Variants in TAF4 observed in about 807,000 individuals in gnomAD.
The protein encoded by TAF4 is transcription initiation factor TFIID subunit 4.
In TAF4, 9 loss-of-function variants were observed where a neutral mutation model predicts 90.3. The ratio of observed to expected loss-of-function variants is 0.10; its 90% confidence interval spans 0.06 to 0.17. TAF4 has a LOEUF of 0.17. Ranked by LOEUF, TAF4 falls within the 10% of genes least tolerant of loss-of-function variation. The probability of loss-of-function intolerance (pLI) is 1.00; values close to 1 mark genes in which losing one functional copy is unlikely to be tolerated. For synonymous variants in TAF4, 818 were observed against 638.9 expected, an observed-to-expected ratio of 1.28 and a Z score of -4.23; for missense variants, 1,351 against 1,370.7, an observed-to-expected ratio of 0.99 and a Z score of 0.23.
intron 1 of TAF4, among the ~76,000 whole-genome samples, chr20:62,055,383 G>A (rs1411537987): frequency 6.6e-6 from 1 of 151,506 alleles, no homozygotes; most frequent in African/African-American, 2.4e-5. Flanking sequence ...AGTCCTGCAA[G>A]ACAATCAATT....
intron 1 of TAF4, among the ~76,000 whole-genome samples, chr20:62,052,607 C>A (rs2056035591): frequency 1.3e-5 from 2 of 151,900 alleles, no homozygotes; most frequent in African/African-American, 4.8e-5. Flanking sequence ...GATCTTGTCA[C>A]CTCCCCCACA....
chr20:62,063,850 G>A (rs1479608933), intron 1 of TAF4, among the ~76,000 whole-genome samples: 73 of 152,254 alleles, frequency 4.8e-4, no homozygotes, highest in Admixed American at 4.7e-3. Flanking sequence ...CTCCCTGCCT[G>A]GTGGCAGCAG....
At position 62,010,405 on chromosome 20, in the gene TAF4, T is replaced by G. The variant is rs2055771968; in HGVS notation, c.1642-240A>C. ...GAGGAAGGCATGATTTGCACCTGCA[T>G]CAAAAACGGACGTTCACAAAGCCAG... On this transcript the variant is annotated intron_variant, in intron 3 of 14. Coordinates refer to ENST00000252996, the MANE Select transcript of TAF4 (RefSeq NM_003185.4). This position sits in a 1 kb window ranked among gnomAD's most constrained non-coding sequence, Gnocchi z 4.5. Among the ~76,000 whole-genome samples the G allele has an allele frequency of 6.6e-6, 1 of 151,996 alleles. No homozygotes were observed. The highest frequency in any genetic ancestry group is 6.5e-5 in the Admixed American group (1 of 15,280).
chr20:62,001,431 G>A (rs183603367), intron 9 of TAF4, among the ~76,000 whole-genome samples: 7 of 152,360 alleles, frequency 4.6e-5, no homozygotes, highest in Non-Finnish European at 8.8e-5. Context: ...TGTGCAGGAC[G>A]TCCTCTTCCA....
At chr20:62,001,946 C>T (rs1005240517) in intron 9 of TAF4, among the ~76,000 whole-genome samples, 4 of 152,168 alleles carry the variant, frequency 2.6e-5, no homozygotes, top group Non-Finnish European at 4.4e-5. Context: ...CGTTACTGTT[C>T]CCAGGACCCT....
intron 1 of TAF4, among the ~76,000 whole-genome samples, chr20:62,032,770 G>A (rs2055911193): frequency 6.6e-6 from 1 of 152,218 alleles, no homozygotes; most frequent in East Asian, 1.9e-4. Context: ...CAGGGAGACA[G>A]CAAAGCAGGG....
At chr20:61,993,309 G>A (rs1241710269) in intron 14 of TAF4, among the ~76,000 whole-genome samples, 1 of 152,196 alleles carries the variant, frequency 6.6e-6, no homozygotes, top group Non-Finnish European at 1.5e-5. Flanking sequence ...GCCGCAGGGA[G>A]GCAGCCAGAG....
chr20:62,038,738 T>C (rs2055947715), intron 1 of TAF4, among the ~76,000 whole-genome samples: 1 of 151,988 alleles, frequency 6.6e-6, no homozygotes, highest in Non-Finnish European at 1.5e-5. Flanking sequence ...ATCTATAGAC[T>C]CAATACAATC....
chr20:62,030,206 C>T (rs544164567), intron 1 of TAF4, among the ~76,000 whole-genome samples: 6 of 152,230 alleles, frequency 3.9e-5, no homozygotes, highest in African/African-American at 4.8e-5. Context: ...GGGACGCCAA[C>T]GAGCCCGCCA....
At chr20:62,055,802 G>A (rs928918903) in intron 1 of TAF4, among the ~76,000 whole-genome samples, 3 of 152,140 alleles carry the variant, frequency 2.0e-5, no homozygotes, top group African/African-American at 7.2e-5. Flanking sequence ...AGACATTCCT[G>A]CTGATCTGTT....
intron 1 of TAF4, among the ~76,000 whole-genome samples, chr20:62,056,238 A>G (rs1041214729): frequency 6.6e-6 from 1 of 152,044 alleles, no homozygotes; most frequent in Non-Finnish European, 1.5e-5. Context: ...CTCTGTCTCG[A>G]AAAAAAAGAA....
rs2055786156 is a variant in TAF4, at chr20:62,012,709, T to C, written c.1641+106A>G. 2.2e-6 allele frequency: 3 copies of C among 1,349,114 alleles called. No individual in the cohort carries two copies. The Admixed American group carries it at 8.5e-5, about 38-fold the overall frequency. The allele number at this position is 1,349,114 out of a possible 1,614,324, so 83.6% of individuals were successfully genotyped here. A position where few individuals can be genotyped will look rare whatever the true frequency, so the allele number is the denominator to read the frequency against. ...CTTCCTCCCCAGATTTGACGTAGTA[T>C]CCAGTTTAAAAAAAAAAAAAAACTC... is the stretch of plus-strand genomic sequence containing the variant. On this transcript the variant is annotated intron_variant, in intron 3 of 14. Coordinates refer to ENST00000252996, the MANE Select transcript of TAF4 (RefSeq NM_003185.4).
chr20:62,060,353 T>C (rs1362252096), intron 1 of TAF4, among the ~76,000 whole-genome samples: 1 of 152,262 alleles, frequency 6.6e-6, no homozygotes, highest in Non-Finnish European at 1.5e-5. Flanking sequence ...CTGCTGTGAA[T>C]GCAGTGCTCG....
chr20:61,993,214 G>C (rs2055642834), intron 14 of TAF4, among the ~76,000 whole-genome samples: 1 of 152,190 alleles, frequency 6.6e-6, no homozygotes, highest in Admixed American at 6.5e-5. Flanking sequence ...CCCTAGGCAT[G>C]AAGCATGACC....
Position 61,976,020 on chromosome 20 carries a change from C to T in TAF4, c.*148G>A. ...TCTCTCTGTTACAGAAACGTGTTTT[C>T]TTTCACACTGAAGAGCTGATTTAGA... On this transcript the variant is annotated 3_prime_UTR_variant, in exon 15 of 15. Coordinates refer to ENST00000252996, the MANE Select transcript of TAF4 (RefSeq NM_003185.4). The T allele has an allele frequency of 3.6e-6, 3 of 826,564 alleles. No homozygotes were observed. Among genetic ancestry groups the T allele is most frequent in the Non-Finnish European group, 1.9e-6 (1 of 532,570 alleles). The allele number at this position is 826,564 out of a possible 1,614,324, so 51.2% of individuals were successfully genotyped here. A position where few individuals can be genotyped will look rare whatever the true frequency, so the allele number is the denominator to read the frequency against.
At chr20:62,024,493 G>A (rs571748300) in intron 1 of TAF4, among the ~76,000 whole-genome samples, 1 of 152,348 alleles carries the variant, frequency 6.6e-6, no homozygotes, top group African/African-American at 2.4e-5. Context: ...ACAAGGCACA[G>A]AACGGACAGA....
Position 62,000,140 on chromosome 20 carries a change from T to C in TAF4, c.2771A>G (p.Lys924Arg), listed in dbSNP as rs767581473. The C allele has an allele frequency of 6.2e-7, 1 of 1,614,254 alleles. No individual in the cohort carries two copies. Among genetic ancestry groups the C allele is most frequent in the Non-Finnish European group, 8.5e-7 (1 of 1,180,036 alleles). Residue 924 changes from lysine to arginine, a missense_variant, in exon 11 of 15, where the codon AAG becomes AGG. Around this residue, in one of 9 missense-constraint regions of TAF4, gnomAD observed 95 missense variants for 151.3 expected, o/e 0.63. Transcript: ENST00000252996. Reference sequence around the variant, plus strand: ...GCCTGTTACCTTGTAAGAAAAGTTCTTCTGCTGAGCTGTTTCTGATATTTT... The same window carrying C: ...GCCTGTTACCTTGTAAGAAAAGTTCCTCTGCTGAGCTGTTTCTGATATTTT... ...VEKISETAQQ[K>R]NFSYKDDDRY...
chr20:62,041,916 T>TAA (rs796247739), intron 1 of TAF4, among the ~76,000 whole-genome samples: 4 of 137,862 alleles, frequency 2.9e-5, no homozygotes, highest in African/African-American at 7.9e-5. Flanking sequence ...CCCTATCTCC[T>TAA]AAAAAAAAAA....
chr20:61,979,629 G>C (rs1401521603), intron 14 of TAF4, among the ~76,000 whole-genome samples: 1 of 145,262 alleles, frequency 6.9e-6, no homozygotes, highest in East Asian at 2.1e-4. Flanking sequence ...GGCCACTCCA[G>C]AGGGACTGCG....
Sources: allele counts gnomAD v4.1 joint callset (sites outside exome capture counted in the v4.1 genomes callset), GRCh38; gene constraint gnomAD v4.1.1; regional missense constraint gnomAD v4.1.1; non-coding constraint Gnocchi (gnomAD v3.1); transcripts MANE v1.5; gene names NCBI Gene and HGNC (gene_info 2026-07-23, HGNC 2026-07-21).